The following TEX11 variants were observed in gnomAD, a reference collection of about 807,000 sequenced individuals.
TEX11 encodes testis-expressed protein 11.
Under a neutral mutation model 84.4 loss-of-function variants are expected in TEX11, and 7 were observed. The observed-to-expected ratio is 0.08, with a 90% CI of 0.05 to 0.16. TEX11 has a LOEUF of 0.16. TEX11 is among the 10% of genes least tolerant of loss of function. The pLI, the probability that TEX11 is intolerant of heterozygous loss-of-function variation, is 1.00. For synonymous variants in TEX11, 264 were observed against 222.8 expected, an observed-to-expected ratio of 1.18 and a Z score of -1.64; for missense variants, 551 against 660.5, an observed-to-expected ratio of 0.83 and a Z score of 1.82.
chrX:70,774,765 A>G (rs2090991722), intron 9 of TEX11, among the ~76,000 whole-genome samples: 1 of 111,640 alleles, frequency 9.0e-6, no homozygotes, highest in African/African-American at 3.3e-5. Context: ...GTATATTATT[A>G]AAGTGACCAA....
intron 25 of TEX11, among the ~76,000 whole-genome samples, chrX:70,568,569 C>T (rs924162961): frequency 6.3e-5 from 7 of 110,912 alleles, no homozygotes; most frequent in Non-Finnish European, 1.1e-4. Flanking sequence ...ATGTTTAGTG[C>T]TTCCTTCGGG....
intron 17 of TEX11, among the ~76,000 whole-genome samples, chrX:70,630,510 A>C (rs1456475291): frequency 9.0e-6 from 1 of 110,971 alleles, no homozygotes; most frequent in Non-Finnish European, 1.9e-5. Flanking sequence ...TATAGACTTC[A>C]AGCAACAAAT....
Position 70,623,976 on chromosome X carries a change from A to G in TEX11, c.1725T>C (p.Ile575=). 1.7e-6 allele frequency: 2 copies of G among 1,206,070 alleles called. No homozygotes were observed. The highest frequency in any genetic ancestry group is 2.2e-6 in the Non-Finnish European group (2 of 892,653). Reference sequence around the variant, plus strand: ...TATCTTCAGATTCCGGCATTTCAGCAATTTTTGGAAGAAGAAAACGAAGCA... The same window carrying G: ...TATCTTCAGATTCCGGCATTTCAGCGATTTTTGGAAGAAGAAAACGAAGCA... ...KCLLRFLLPK[I]AEMPESEDKK... is the part of the protein sequence containing the mutation. The change falls in exon 20 of 30, where the codon ATT becomes ATC. Residue 575 remains isoleucine, a synonymous_variant. Coordinates refer to ENST00000374333, the MANE Select transcript of TEX11 (RefSeq NM_031276.3).
intron 20 of TEX11, among the ~76,000 whole-genome samples, chrX:70,618,263 G>A (rs1021676617): frequency 2.7e-5 from 3 of 111,117 alleles, no homozygotes; most frequent in African/African-American, 9.8e-5. Context: ...AATCACTATG[G>A]AAATCTGAGA....
chrX:70,893,327 A>G (rs2091749192), intron 2 of TEX11, among the ~76,000 whole-genome samples: 1 of 111,870 alleles, frequency 8.9e-6, no homozygotes, highest in Admixed American at 9.6e-5. Flanking sequence ...CAAATGCAAA[A>G]GAACGGAAAT....
intron 28 of TEX11, among the ~76,000 whole-genome samples, chrX:70,549,565 G>A (rs760545788): frequency 9.0e-5 from 10 of 111,047 alleles, no homozygotes; most frequent in Non-Finnish European, 1.7e-4. Flanking sequence ...CCCAGGCCTG[G>A]CAGCATTCAC....
At chrX:70,801,212 G>A (rs1014313267) in intron 9 of TEX11, among the ~76,000 whole-genome samples, 2 of 111,318 alleles carry the variant, frequency 1.8e-5, no homozygotes, top group African/African-American at 6.5e-5. Flanking sequence ...ACAAATGCCT[G>A]TAATGCTGAG....
At chrX:70,802,237 T>C (rs754819249) in intron 9 of TEX11, among the ~76,000 whole-genome samples, 2 of 111,652 alleles carry the variant, frequency 1.8e-5, no homozygotes, top group East Asian at 5.6e-4. Flanking sequence ...AAACCTAGGA[T>C]TAAAGTAGAC....
At chrX:70,850,587 A>G in intron 7 of TEX11, among the ~76,000 whole-genome samples, 2 of 109,470 alleles carry the variant, frequency 1.8e-5, no homozygotes, top group Non-Finnish European at 3.8e-5. Context: ...ACAAAAAAAA[A>G]AAAAAAATGT....
At chrX:70,537,556 TAAAGA>T (rs1029780871) in intron 28 of TEX11, among the ~76,000 whole-genome samples, 15 of 82,590 alleles carry the variant, frequency 1.8e-4, no homozygotes, top group African/African-American at 6.8e-4. Context: ...AATAAAGAAA[TAAAGA>T]AAAGAGAAAG....
chrX:70,894,680 C>A (rs1251678400), intron 2 of TEX11, among the ~76,000 whole-genome samples: 1 of 110,986 alleles, frequency 9.0e-6, no homozygotes, highest in Non-Finnish European at 1.9e-5. Flanking sequence ...AAAGGCTTAT[C>A]CACCACGATC....
intron 25 of TEX11, among the ~76,000 whole-genome samples, chrX:70,568,629 TG>T (rs1170156151): frequency 9.0e-6 from 1 of 111,051 alleles, no homozygotes; most frequent in Non-Finnish European, 1.9e-5. Context: ...AGCATTTGCT[TG>T]TCTGTAAAGT....
At chrX:70,755,410 A>C (rs1353844112) in intron 9 of TEX11, among the ~76,000 whole-genome samples, 5 of 112,133 alleles carry the variant, frequency 4.5e-5, no homozygotes, top group African/African-American at 1.6e-4. Flanking sequence ...TAAATAGCAG[A>C]ATTGATCAAG....
intron 15 of TEX11, 34 bp downstream of exon 15, chrX:70,678,770 G>A: frequency 8.8e-7 from 1 of 1,135,750 alleles, no homozygotes; most frequent in Non-Finnish European, 1.2e-6. Flanking sequence ...TTGCAGTGGA[G>A]AAATAAAGAA....
intron 17 of TEX11, among the ~76,000 whole-genome samples, chrX:70,634,142 A>G (rs180736210): frequency 9.0e-6 from 1 of 111,619 alleles, no homozygotes; most frequent in East Asian, 2.8e-4. Flanking sequence ...AATATAGTGT[A>G]CTTAGGGATA....
At chrX:70,708,271 T>C (rs2090394478) in intron 13 of TEX11, among the ~76,000 whole-genome samples, 1 of 111,373 alleles carries the variant, frequency 9.0e-6, no homozygotes, top group Non-Finnish European at 1.9e-5. Flanking sequence ...CCAGTCAGAA[T>C]GGCTATTATT....
At chrX:70,750,931 A>ATATATATAT (rs1330223404) in intron 9 of TEX11, among the ~76,000 whole-genome samples, 23 of 21,962 alleles carry the variant, frequency 1.0e-3, no homozygotes, top group South Asian at 4.3e-3. Context: ...TAAAAAAAAA[A>ATATATATAT]AAATATATAT....
chrX:70,880,520 A>G (rs2091677089), intron 2 of TEX11, among the ~76,000 whole-genome samples: 1 of 109,605 alleles, frequency 9.1e-6, no homozygotes. Context: ...CGATCCTGCC[A>G]CTGTACTCCA....
intron 17 of TEX11, among the ~76,000 whole-genome samples, chrX:70,643,734 C>A (rs1349979733): frequency 9.7e-6 from 1 of 102,782 alleles, no homozygotes; most frequent in South Asian, 4.7e-4. Flanking sequence ...AAAGCTGAAA[C>A]TGGATCCCTT....
Sources: gnomAD v4.1 joint callset for allele counts (sites outside exome capture counted in the v4.1 genomes callset) on GRCh38, gnomAD v4.1.1 for gene constraint, MANE v1.5 for transcripts, NCBI Gene and HGNC (gene_info 2026-07-23, HGNC 2026-07-21) for gene names.